The following FBN2 variants were observed in gnomAD, a reference collection of about 807,000 sequenced individuals.
FBN2 encodes fibrillin-2.
FBN2 carries 105 observed loss-of-function variants against 355.6 expected under a neutral mutation model. The ratio of observed to expected loss-of-function variants is 0.30; its 90% CI spans 0.25 to 0.35. The LOEUF is 0.35. Among genes scored for constraint, FBN2 ranks in the 10% least tolerant of loss-of-function variants. FBN2 has a pLI of 1.00. For missense variants in FBN2, 3,280 were observed against 3,758.7 expected (o/e 0.87, Z 3.33); for synonymous variants, 1,350 against 1,301.2 (o/e 1.04, Z -0.81).
intron 11 of FBN2, among the ~76,000 whole-genome samples, chr5:128,386,464 T>C (rs11959823): frequency 0.12 from 17,938 of 152,016 alleles, 1,986 homozygotes; most frequent in East Asian, 0.67. Context: ...GTGATGCCTC[T>C]AGCTTCGTTC....
chr5:128,418,839 G>T (rs374335158), intron 7 of FBN2, among the ~76,000 whole-genome samples: 1 of 152,070 alleles, frequency 6.6e-6, no homozygotes, highest in Non-Finnish European at 1.5e-5. Flanking sequence ...TGTGTATTTT[G>T]CATCCATATG....
chr5:128,313,707 G>C (rs1750120830), intron 36 of FBN2, among the ~76,000 whole-genome samples: 1 of 151,638 alleles, frequency 6.6e-6, no homozygotes, highest in Non-Finnish European at 1.5e-5. Context: ...CAGAAAATTA[G>C]CTGAGCATGG....
chr5:128,288,527 C>G lies in FBN2; in HGVS notation c.6668G>C (p.Cys2223Ser). 1 of 1,613,880 alleles carries G rather than the reference C, an allele frequency of 6.2e-7. No individual in the cohort carries two copies. The highest frequency in any genetic ancestry group is 8.5e-7 in the Non-Finnish European group (1 of 1,179,890). The change falls in exon 53 of 65, where the codon TGT (cysteine) becomes TCT (serine). Residue 2223 changes from cysteine to serine, a missense_variant. This residue lies in a region of FBN2 where 2,284 missense variants were observed against 2,749.5 expected (regional missense o/e 0.83). Transcript: ENST00000262464. ...AACATTGGTGCATGTACCATTTCCACACGGATTGCCGATTGAACACTCATC... is the reference window on the plus strand; with the variant it reads ...AACATTGGTGCATGTACCATTTCCAGACGGATTGCCGATTGAACACTCATC... ...DTDECSIGNP[C>S]GNGTCTNVIG...
intron 5 of FBN2, among the ~76,000 whole-genome samples, chr5:128,513,548 C>G (rs917089738): frequency 2.6e-5 from 4 of 152,208 alleles, no homozygotes; most frequent in Admixed American, 2.6e-4. Context: ...GAGATACACA[C>G]TGCTTTTGTT....
intron 2 of FBN2, among the ~76,000 whole-genome samples, chr5:128,534,148 G>C (rs964266316): frequency 2.0e-5 from 3 of 151,916 alleles, no homozygotes; most frequent in African/African-American, 7.3e-5. Context: ...TTAATATTTG[G>C]TTTTTATTTA....
chr5:128,469,215 CG>C (rs1754790670), intron 5 of FBN2, among the ~76,000 whole-genome samples: 4 of 152,038 alleles, frequency 2.6e-5, no homozygotes, highest in Non-Finnish European at 1.5e-5. Context: ...AAAAGGCCAA[CG>C]GGGCATAAAG....
intron 2 of FBN2, among the ~76,000 whole-genome samples, chr5:128,533,933 A>G (rs1025696188): frequency 6.6e-6 from 1 of 152,134 alleles, no homozygotes; most frequent in African/African-American, 2.4e-5. Context: ...GAAGTACTTC[A>G]GTAATTTTTC....
rs577855501 is a variant in FBN2 at position 128,446,540 on chromosome 5, G to A, written c.893C>T (p.Ser298Phe). 6.2e-7 allele frequency: 1 copy of A among 1,613,866 alleles called. No individual in the cohort carries two copies. Among genetic ancestry groups the A allele is most frequent in the Non-Finnish European group, 8.5e-7 (1 of 1,179,786 alleles). The change falls in exon 7 of 65, where the codon TCT (serine) becomes TTT (phenylalanine). Residue 298 changes from serine (S) to phenylalanine (F), a missense_variant. Ser to Phe is a radical substitution (Grantham distance 155). Coordinates refer to ENST00000262464, the MANE Select transcript of FBN2 (RefSeq NM_001999.4). ...ACCAGCAGGGCATCTGCATTCAAAA[G>A]AGCCCACTGTATTGATACAGTTTCC... ...QGGNCINTVGSFECRCPAGHK... is the reference protein window; with the variant it reads ...QGGNCINTVGFFECRCPAGHK...
chr5:128,309,758 T>A (rs145929471), intron 40 of FBN2, among the ~76,000 whole-genome samples: 74 of 152,316 alleles, frequency 4.9e-4, no homozygotes, highest in African/African-American at 1.8e-3. Flanking sequence ...TAAGAATATA[T>A]AACATTTGAG....
chr5:128,446,329 A>T lies in FBN2; in HGVS notation c.952+152T>A, dbSNP rs1041231257. On this transcript the variant is annotated intron_variant, in intron 7 of 64. Coordinates refer to ENST00000262464, the MANE Select transcript of FBN2 (RefSeq NM_001999.4). Reference sequence around the variant, plus strand: ...CAAACCCACTAAGGCTACAATACACAAACACAGAACTACTCTAGGCTTAAA... The same window carrying T: ...CAAACCCACTAAGGCTACAATACACTAACACAGAACTACTCTAGGCTTAAA... 3 of 776,970 alleles carry T rather than the reference A, an allele frequency of 3.9e-6. No individual in the cohort carries two copies. The African/African-American group carries it at 5.2e-5, about 13-fold the overall frequency. The allele number at this position is 776,970 out of a possible 1,614,324, so 48.1% of individuals were successfully genotyped here.
rs1751288444 is a variant in FBN2 at position 128,349,578 on chromosome 5, T to C, written c.2864-106A>G. ...TTTTCAATCCACATTCAATACAATG[T>C]GGATTATTACTTGAGTTAAACAGAA... On this transcript the variant is annotated intron_variant, in intron 22 of 64. Coordinates refer to ENST00000262464, the MANE Select transcript of FBN2 (RefSeq NM_001999.4). The C allele has an allele frequency of 5.3e-6, 7 of 1,311,830 alleles. No individual in the cohort carries two copies. In the Admixed American group the frequency reaches 1.4e-4, roughly 26 times the overall value. 81.3% of individuals were successfully genotyped at this position (1,311,830 alleles called of 1,614,324 possible).
chr5:128,478,785 A>G (rs1755071843), intron 5 of FBN2, among the ~76,000 whole-genome samples: 1 of 152,202 alleles, frequency 6.6e-6, no homozygotes. Flanking sequence ...TTACAAGTTG[A>G]AAAAAGACAG....
At chr5:128,390,712 T>C (rs932918334) in intron 11 of FBN2, among the ~76,000 whole-genome samples, 1 of 152,242 alleles carries the variant, frequency 6.6e-6, no homozygotes, top group East Asian at 1.9e-4. Flanking sequence ...TTCTGCAGAA[T>C]ACTATTTTTA....
At position 128,375,900 on chromosome 5, in the gene FBN2, TGGG is replaced by T. The variant is rs1407751902; in HGVS notation, c.1972+828_1972+830del. The stretch of plus-strand genomic sequence containing the variant: ...AAAATAAAACAAAATTAGCTGGGCA[TGGG>T]GGCACATGCATGTACTCCCAGCTAC... On this transcript the variant is annotated intron_variant, in intron 14 of 64. Transcript: ENST00000262464. Among the ~76,000 whole-genome samples, 4 of 151,998 alleles carry T rather than the reference TGGG, an allele frequency of 2.6e-5. No homozygotes were observed. In the East Asian group the frequency reaches 7.8e-4, roughly 30 times the overall value.
intron 8 of FBN2, among the ~76,000 whole-genome samples, chr5:128,402,087 G>A (rs1307344161): frequency 6.6e-6 from 1 of 152,080 alleles, no homozygotes; most frequent in East Asian, 1.9e-4. Flanking sequence ...CAAATCAGAG[G>A]CTGGGAATTA....
At chr5:128,309,908 T>C (rs1749986105) in intron 40 of FBN2, 75 bp downstream of exon 40, 13 of 1,498,816 alleles carry the variant, frequency 8.7e-6, no homozygotes, top group Non-Finnish European at 1.2e-5. Flanking sequence ...TTCCAAACAA[T>C]AATTCTGAGA....
chr5:128,537,271 G>A, intron 1 of FBN2, 79 bp downstream of exon 1: 1 of 1,586,804 alleles, frequency 6.3e-7, no homozygotes, highest in South Asian at 1.1e-5. Flanking sequence ...GGGACGGAGT[G>A]GGCCAGAAAG....
intron 11 of FBN2, among the ~76,000 whole-genome samples, chr5:128,391,453 T>C (rs916910625): frequency 6.6e-6 from 1 of 152,202 alleles, no homozygotes; most frequent in African/African-American, 2.4e-5. Context: ...TTCATAAAAA[T>C]GTTACTTATG....
intron 9 of FBN2, among the ~76,000 whole-genome samples, chr5:128,394,157 C>T (rs541689368): frequency 2.8e-4 from 43 of 152,200 alleles, no homozygotes; most frequent in African/African-American, 9.6e-4. Context: ...GTTAACAGTA[C>T]ATATTGGCAT....
Sources: gnomAD v4.1 joint callset for allele counts (sites outside exome capture counted in the v4.1 genomes callset) on GRCh38, gnomAD v4.1.1 for gene constraint, gnomAD v4.1.1 regional missense constraint, MANE v1.5 for transcripts, NCBI Gene and HGNC (gene_info 2026-07-23, HGNC 2026-07-21) for gene names.